The following UBE2B variants were observed in gnomAD, a reference collection of about 807,000 sequenced individuals.
UBE2B encodes ubiquitin-conjugating enzyme E2 B.
In UBE2B, 11 loss-of-function variants were observed where a neutral mutation model predicts 24.6. That is an observed-to-expected ratio of 0.45 (90% CI 0.28 to 0.74). The LOEUF (loss-of-function observed/expected upper bound fraction) is 0.74, where lower values mean the gene tolerates loss of function less well. Among genes scored for constraint, UBE2B ranks in the 30% least tolerant of loss-of-function variants. The pLI, the probability that UBE2B is intolerant of heterozygous loss-of-function variation, is 0.13. For missense variants in UBE2B, 78 were observed against 185.6 expected (o/e 0.42, Z 3.37); for synonymous variants, 68 against 62.4 (o/e 1.09, Z -0.42).
At position 134,390,166 on chromosome 5, in the gene UBE2B, A is replaced by T; in HGVS notation, c.331-59A>T. 6.2e-7 allele frequency: 1 copy of T among 1,601,370 alleles called. No individual in the cohort carries two copies. The highest frequency in any genetic ancestry group is 8.5e-7 in the Non-Finnish European group (1 of 1,171,654). On this transcript the variant is annotated intron_variant, in intron 5 of 5. Transcript: ENST00000265339. This position sits in a 1 kb window ranked among gnomAD's most constrained non-coding sequence, Gnocchi z 4.6. ...TTTTCTGTAATATATTCCATATCTG[A>T]CCCCTGTTGGTATAAAGAACAACTA...
At chr5:134,378,324 A>G (rs1363949346) in intron 3 of UBE2B, among the ~76,000 whole-genome samples, 2 of 151,890 alleles carry the variant, frequency 1.3e-5, no homozygotes, top group East Asian at 1.9e-4. Context: ...CAGAGGCGCA[A>G]TCTTGGCTCA....
At chr5:134,371,763 C>A in intron 1 of UBE2B, 124 bp downstream of exon 1, 1 of 1,443,916 alleles carries the variant, frequency 6.9e-7, no homozygotes, top group East Asian at 2.4e-5. Flanking sequence ...GCGGGACTGG[C>A]GGAAGCCGGG....
At chr5:134,374,293 A>G in intron 1 of UBE2B, 90 bp from the exon 2 acceptor site, 3 of 1,190,268 alleles carry the variant, frequency 2.5e-6, no homozygotes, top group Non-Finnish European at 3.7e-6. Context: ...CTGTGTCTCA[A>G]AATAGATGGT....
intron 4 of UBE2B, among the ~76,000 whole-genome samples, chr5:134,385,791 A>T (rs1758788924): frequency 6.6e-6 from 1 of 152,128 alleles, no homozygotes; most frequent in African/African-American, 2.4e-5. Flanking sequence ...AGGCAGGTGG[A>T]TCACGAGGTC....
At position 134,376,322 on chromosome 5, in the gene UBE2B, CAAA is replaced by C. The variant is rs1176500916; in HGVS notation, c.126-322_126-320del. Among the ~76,000 whole-genome samples, 72 of 7,440 alleles carry C rather than the reference CAAA, an allele frequency of 9.7e-3. 2 individuals carry two copies. The highest frequency in any genetic ancestry group is 0.036 in the South Asian group (5 of 140). 4.9% of individuals were successfully genotyped at this position (7,440 alleles called of 152,430 possible). On this transcript the variant is annotated intron_variant, in intron 2 of 5. Transcript: ENST00000265339. ...GGGGGACAAGAGCAAAACTCCGTCT[CAAA>C]AAAAAAAAAAAAAAAAAAAAAAAAT...
rs769641905 is a variant in UBE2B at position 134,390,208 on chromosome 5, C to A, written c.331-17C>A. 2 of 1,613,508 alleles carry A rather than the reference C, an allele frequency of 1.2e-6. No individual in the cohort carries two copies. The highest frequency in any genetic ancestry group is 1.6e-4 in the Middle Eastern group (1 of 6,062). ...GAACAACTATGCAAATCTGTTTTTT[C>A]TTTTCTTTCCTCCTAGTCTCTGCTG... On this transcript the variant is annotated splice_polypyrimidine_tract_variant and intron_variant, in intron 5 of 5. Coordinates refer to ENST00000265339, the MANE Select transcript of UBE2B (RefSeq NM_003337.4). The surrounding 1 kb of genome is among the most constrained non-coding windows in gnomAD (Gnocchi z 4.6).
At chr5:134,371,788 C>G (rs997285055) in intron 1 of UBE2B, 149 bp downstream of exon 1, 3 of 1,222,146 alleles carry the variant, frequency 2.5e-6, no homozygotes, top group Non-Finnish European at 3.5e-6. Context: ...AGCCTCGGCC[C>G]TACTCCCATA....
At chr5:134,376,082 C>T (rs558906752) in intron 2 of UBE2B, among the ~76,000 whole-genome samples, 5 of 150,690 alleles carry the variant, frequency 3.3e-5, no homozygotes, top group African/African-American at 1.2e-4. Flanking sequence ...CCTCTAAATC[C>T]CAGCACTTTG....
At chr5:134,382,981 G>A (rs185937651) in intron 4 of UBE2B, among the ~76,000 whole-genome samples, 22 of 151,466 alleles carry the variant, frequency 1.5e-4, no homozygotes, top group African/African-American at 5.1e-4. Flanking sequence ...CCTGGTCAAC[G>A]TGGTGAAACC....
chr5:134,383,476 T>A, intron 4 of UBE2B, among the ~76,000 whole-genome samples: 1 of 131,030 alleles, frequency 7.6e-6, no homozygotes, highest in African/African-American at 3.0e-5. Context: ...TACCCAGCTT[T>A]TTTTTTTTTT....
chr5:134,373,729 G>A (rs537916138), intron 1 of UBE2B, among the ~76,000 whole-genome samples: 3 of 152,262 alleles, frequency 2.0e-5, no homozygotes, highest in South Asian at 2.1e-4. Context: ...GTGAGAACAC[G>A]TGGTGTTTGG....
chr5:134,371,798 A>G (rs1437116742), intron 1 of UBE2B, among the ~76,000 whole-genome samples, 159 bp downstream of exon 1: 2 of 151,946 alleles, frequency 1.3e-5, no homozygotes, highest in African/African-American at 2.4e-5. Context: ...CTACTCCCAT[A>G]AGCTTTGCCG....
chr5:134,380,816 G>C lies in UBE2B; in HGVS notation c.241+8G>C. On this transcript the variant is annotated splice_region_variant and intron_variant, in intron 4 of 5. Coordinates refer to ENST00000265339, the MANE Select transcript of UBE2B (RefSeq NM_003337.4). ...AAATGTTTCATCCAAATGGTAAGTA[G>C]CATTTTATAGATTTTGCAGATGATA... The C allele has an allele frequency of 6.4e-7, 1 of 1,563,932 alleles. No individual in the cohort carries two copies. Among genetic ancestry groups the C allele is most frequent in the Non-Finnish European group, 8.8e-7 (1 of 1,135,920 alleles).
At chr5:134,383,947 C>T (rs1758756286) in intron 4 of UBE2B, among the ~76,000 whole-genome samples, 1 of 151,992 alleles carries the variant, frequency 6.6e-6, no homozygotes, top group African/African-American at 2.4e-5. Flanking sequence ...TTCTCATTTT[C>T]ACTTCATAGA....
intron 5 of UBE2B, among the ~76,000 whole-genome samples, chr5:134,389,547 TTTTC>T (rs1479164108): frequency 6.6e-6 from 1 of 151,084 alleles, no homozygotes; most frequent in South Asian, 2.1e-4. Flanking sequence ...TTCTTTTCTT[TTTTC>T]TTTTTTTTTT....
chr5:134,380,863 C>T, intron 4 of UBE2B, 55 bp downstream of exon 4: 1 of 1,205,070 alleles, frequency 8.3e-7, no homozygotes, highest in Non-Finnish European at 1.2e-6. Context: ...AGTTGTTTCC[C>T]TCCTTTTAGC....
chr5:134,387,082 C>G (rs1758818036), intron 4 of UBE2B, among the ~76,000 whole-genome samples: 1 of 151,908 alleles, frequency 6.6e-6, no homozygotes, highest in African/African-American at 2.4e-5. Context: ...GCCTCAGCCT[C>G]CTGAGTAGCT....
At position 134,376,921 on chromosome 5, in the gene UBE2B, G is replaced by T. The variant is rs1239151900; in HGVS notation, c.151+227G>T. On this transcript the variant is annotated intron_variant, in intron 3 of 5. Transcript: ENST00000265339. ...TACTTTAATATTTTCCTGTATAACT[G>T]TAAGCCTGGATGGCAGTGTTTATGT... 2.0e-5 allele frequency among the ~76,000 whole-genome samples: 3 copies of T among 152,170 alleles called. No individual in the cohort carries two copies. The East Asian group carries it at 5.8e-4, about 29-fold the overall frequency.
chr5:134,373,651 C>G (rs549237302), intron 1 of UBE2B, among the ~76,000 whole-genome samples: 1 of 152,276 alleles, frequency 6.6e-6, no homozygotes, highest in East Asian at 1.9e-4. Flanking sequence ...CGCCCCACAA[C>G]AGGCCCCTGT....
Sources: gnomAD v4.1 joint callset for allele counts (sites outside exome capture counted in the v4.1 genomes callset) on GRCh38, gnomAD v4.1.1 for gene constraint, Gnocchi (gnomAD v3.1) non-coding constraint, MANE v1.5 for transcripts, NCBI Gene and HGNC (gene_info 2026-07-23, HGNC 2026-07-21) for gene names.